PIP5K1C: variants seen among roughly 807,000 people sequenced by gnomAD.
PIP5K1C encodes phosphatidylinositol-4-phosphate 5-kinase type 1 gamma, also known as phosphatidylinositol 4-phosphate 5-kinase type-1 gamma.
In PIP5K1C, 45 loss-of-function variants were observed where a neutral mutation model predicts 80.1. The observed-to-expected ratio is 0.56, with a 90% CI of 0.44 to 0.72. The LOEUF is 0.72. Ranked by LOEUF, PIP5K1C falls within the 30% of genes least tolerant of loss-of-function variation. The probability of loss-of-function intolerance (pLI) is 0.00; values close to 1 mark genes in which losing one functional copy is unlikely to be tolerated. For synonymous variants in PIP5K1C, 498 were observed against 420.1 expected, an observed-to-expected ratio of 1.19 and a Z score of -2.27; for missense variants, 753 against 954.6, an observed-to-expected ratio of 0.79 and a Z score of 2.78.
chr19:3,640,589 A>T (rs997594993), intron 15 of PIP5K1C, among the ~76,000 whole-genome samples: 3 of 152,214 alleles, frequency 2.0e-5, no homozygotes, highest in East Asian at 1.9e-4. Context: ...TGTGTTTTTT[A>T]AAAAAACAGA....
intron 1 of PIP5K1C, among the ~76,000 whole-genome samples, chr19:3,687,828 G>A (rs1009975655): frequency 6.6e-6 from 1 of 151,622 alleles, no homozygotes; most frequent in African/African-American, 2.4e-5. Context: ...CGCTTTCCCC[G>A]CAGCAGGTGG....
chr19:3,641,263 A>G (rs1444010218), intron 15 of PIP5K1C, among the ~76,000 whole-genome samples: 1 of 152,060 alleles, frequency 6.6e-6, no homozygotes. Context: ...AAATTAATAA[A>G]TACTAAAAAG....
intron 1 of PIP5K1C, among the ~76,000 whole-genome samples, chr19:3,669,404 G>A (rs2035126486): frequency 6.6e-6 from 1 of 152,236 alleles, no homozygotes; most frequent in South Asian, 2.1e-4. Flanking sequence ...GAGGTTCAGG[G>A]AGGTGCAGAC....
intron 1 of PIP5K1C, among the ~76,000 whole-genome samples, chr19:3,680,523 C>T (rs1393180467): frequency 1.3e-5 from 2 of 152,144 alleles, no homozygotes; most frequent in African/African-American, 2.4e-5. Context: ...AGGCTGGTCT[C>T]GCTCCTGACC....
Position 3,633,467 on chromosome 19 carries a change from G to A in PIP5K1C, c.1974C>T (p.Ala658=), listed in dbSNP as rs758064326. Residue 658 remains alanine, a synonymous_variant, in exon 17 of 18, where the codon GCC becomes GCT. Coordinates refer to ENST00000335312, the MANE Select transcript of PIP5K1C (RefSeq NM_012398.3). The part of the protein sequence containing the change: ...VYSPLHYSAQ[A]PPASDGESDT ...CGCTCTCGCCGTCGGAGGCCGGGGG[G>A]GCCTGGGCGCTATAGTGGAGCGGGG... The A allele has an allele frequency of 2.9e-5, 44 of 1,510,100 alleles. No individual in the cohort carries two copies. The highest frequency in any genetic ancestry group is 2.8e-4 in the South Asian group (21 of 74,168). 93.5% of individuals were successfully genotyped at this position (1,510,100 alleles called of 1,614,324 possible).
intron 16 of PIP5K1C, among the ~76,000 whole-genome samples, chr19:3,638,292 T>A (rs572872749): frequency 1.8e-4 from 28 of 152,024 alleles, no homozygotes; most frequent in South Asian, 4.2e-4. Flanking sequence ...GGATCCCAGG[T>A]CCCCAGGGCC....
chr19:3,680,497 T>C (rs2035557558), intron 1 of PIP5K1C, among the ~76,000 whole-genome samples: 1 of 152,150 alleles, frequency 6.6e-6, no homozygotes, highest in African/African-American at 2.4e-5. Context: ...AGAGATGGCG[T>C]TTCACCATGT....
Position 3,656,516 on chromosome 19 carries a change from C to T in PIP5K1C, c.510G>A (p.Pro170=), listed in dbSNP as rs747053356. The change falls in exon 6 of 18, where the codon CCG becomes CCA. Residue 170 remains proline, a synonymous_variant. Transcript: ENST00000335312. Reference sequence around the variant, plus strand: ...CGTAGAAGAGGGAGCCACTGGCGCCCGGGTTGGACAGCTCGATCAGCGGCT... The same window carrying T: ...CGTAGAAGAGGGAGCCACTGGCGCCTGGGTTGGACAGCTCGATCAGCGGCT... ...CNEPLIELSN[P]GASGSLFYVT... is the part of the protein sequence containing the mutation. 8 of 1,613,750 alleles carry T rather than the reference C, an allele frequency of 5.0e-6. No homozygotes were observed. The highest frequency in any genetic ancestry group is 2.7e-5 in the African/African-American group (2 of 74,926).
rs368722158 is a variant in PIP5K1C at position 3,682,247 on chromosome 19, G to T, written c.95-14894C>A. Among the ~76,000 whole-genome samples, 19 of 151,950 alleles carry T rather than the reference G, an allele frequency of 1.3e-4. No individual in the cohort carries two copies. In the East Asian group the frequency reaches 2.1e-3, roughly 17 times the overall value. On this transcript the variant is annotated intron_variant, in intron 1 of 17. Coordinates refer to ENST00000335312, the MANE Select transcript of PIP5K1C (RefSeq NM_012398.3). ...ACATTAGCCAGGCATGGGGGTGCGC[G>T]CCTGTAATCCCGGCTACTCAGGAGG...
intron 5 of PIP5K1C, among the ~76,000 whole-genome samples, chr19:3,657,608 G>C (rs1279582990): frequency 2.0e-5 from 3 of 152,090 alleles, no homozygotes; most frequent in African/African-American, 7.2e-5. Context: ...GTGTCCACGA[G>C]AGTCAGGAGT....
intron 12 of PIP5K1C, 67 bp from the exon 13 acceptor site, chr19:3,643,448 C>A: frequency 6.3e-7 from 1 of 1,595,826 alleles, no homozygotes; most frequent in South Asian, 1.1e-5. Context: ...TCGATTCTCC[C>A]TGAGGCTTGG....
chr19:3,638,857 G>A (rs944300066), intron 16 of PIP5K1C, 27 bp downstream of exon 16: 1 of 1,612,748 alleles, frequency 6.2e-7, no homozygotes. Context: ...TGACGAGCCG[G>A]CGGCAGGAGG....
intron 1 of PIP5K1C, 55 bp downstream of exon 1, chr19:3,700,240 ACT>A: frequency 1.0e-6 from 1 of 997,222 alleles, no homozygotes; most frequent in Non-Finnish European, 1.2e-6. Flanking sequence ...CAGCCCCGCG[ACT>A]CTCGGCGCTC....
chr19:3,690,969 G>A (rs564686983), intron 1 of PIP5K1C, among the ~76,000 whole-genome samples: 7 of 152,246 alleles, frequency 4.6e-5, no homozygotes, highest in African/African-American at 1.7e-4. Flanking sequence ...CCGTCTCCCT[G>A]GTGGGGACAC....
intron 1 of PIP5K1C, among the ~76,000 whole-genome samples, chr19:3,687,282 A>T (rs976509734): frequency 1.3e-5 from 2 of 152,122 alleles, no homozygotes; most frequent in Non-Finnish European, 2.9e-5. Flanking sequence ...GAATTGCTTG[A>T]ACCTGGGAGG....
chr19:3,663,452 TG>T (rs2034904139), intron 3 of PIP5K1C, among the ~76,000 whole-genome samples: 1 of 152,054 alleles, frequency 6.6e-6, no homozygotes, highest in South Asian at 2.1e-4. Context: ...AGAACAGACA[TG>T]TGCCCAAAGA....
At chr19:3,683,777 C>A (rs1020102622) in intron 1 of PIP5K1C, among the ~76,000 whole-genome samples, 2 of 151,982 alleles carry the variant, frequency 1.3e-5, no homozygotes, top group Non-Finnish European at 2.9e-5. Flanking sequence ...ACGGAGGCCC[C>A]GGGGCAGGAC....
intron 12 of PIP5K1C, among the ~76,000 whole-genome samples, chr19:3,643,758 G>A (rs779165148): frequency 4.0e-5 from 6 of 149,004 alleles, no homozygotes; most frequent in Middle Eastern, 3.4e-3. Context: ...CTGCCCCAGG[G>A]CCCTTGCATG....
At chr19:3,666,081 G>A (rs548736852) in intron 2 of PIP5K1C, among the ~76,000 whole-genome samples, 21 of 152,184 alleles carry the variant, frequency 1.4e-4, no homozygotes, top group Non-Finnish European at 2.8e-4. Flanking sequence ...CCCTCCACCC[G>A]CGCCACCCTC....
Sources: allele counts gnomAD v4.1 joint callset (sites outside exome capture counted in the v4.1 genomes callset), GRCh38; gene constraint gnomAD v4.1.1; transcripts MANE v1.5; gene names NCBI Gene and HGNC (gene_info 2026-07-23, HGNC 2026-07-21).